Variants in EHMT1 observed in about 807,000 individuals in gnomAD.
EHMT1 encodes the protein euchromatic histone lysine methyltransferase 1.
Under a neutral mutation model 147.2 loss-of-function variants are expected in EHMT1, and 15 were observed. The observed-to-expected ratio is 0.10, with a 90% CI of 0.07 to 0.16. The LOEUF (loss-of-function observed/expected upper bound fraction) is 0.16, where lower values mean the gene tolerates loss of function less well. Among genes scored for constraint, EHMT1 ranks in the 10% least tolerant of loss-of-function variants. The pLI is 1.00. For missense variants in EHMT1, 1,587 were observed against 1,772.4 expected (o/e 0.90, Z 1.88); for synonymous variants, 795 against 709.6 (o/e 1.12, Z -1.91).
Position 137,620,937 on chromosome 9 carries a change from C to G in EHMT1, c.21+1888C>G, listed in dbSNP as rs369611624. Among the ~76,000 whole-genome samples, 18 of 152,286 alleles carry G rather than the reference C, an allele frequency of 1.2e-4. No homozygotes were observed. The East Asian group carries it at 3.5e-3, about 29-fold the overall frequency. ...ACCCTGCCATAGTGCCAGTGCCTTG[C>G]ATGAATTCAATAATTTGAGCCTAGC... On this transcript the variant is annotated intron_variant, in intron 1 of 26. Coordinates refer to ENST00000460843, the MANE Select transcript of EHMT1 (RefSeq NM_024757.5).
At position 137,743,985 on chromosome 9, in the gene EHMT1, G is replaced by A. The variant is rs768149187; in HGVS notation, c.1065G>A (p.Glu355=). 4.3e-6 allele frequency: 7 copies of A among 1,613,926 alleles called. No homozygotes were observed. Among genetic ancestry groups the A allele is most frequent in the Non-Finnish European group, 5.1e-6 (6 of 1,179,994 alleles). Residue 355 remains glutamate (E), a synonymous_variant, in exon 6 of 27, where the codon GAG becomes GAA. Transcript: ENST00000460843. The part of the protein sequence containing the change: ...EMDSDEDDSE[E]LEEDDGHGAE... ...ACTCGGATGAGGACGACTCAGAGGA[G>A]CTCGAGGAGGACGACGGCCATGGTG...
At chr9:137,726,520 G>A (rs1004230006) in intron 3 of EHMT1, among the ~76,000 whole-genome samples, 5 of 150,636 alleles carry the variant, frequency 3.3e-5, no homozygotes, top group Admixed American at 2.0e-4. Context: ...CCGTTCGCCC[G>A]ACAGCCGACC....
chr9:137,792,721 G>A (rs755381624), intron 16 of EHMT1, among the ~76,000 whole-genome samples: 3 of 152,104 alleles, frequency 2.0e-5, no homozygotes, highest in Non-Finnish European at 4.4e-5. Context: ...AAAGGAAAAC[G>A]TATGTGGATG....
chr9:137,800,838 C>T (rs759314822), intron 17 of EHMT1, 42 bp from the exon 18 acceptor site: 22 of 1,586,050 alleles, frequency 1.4e-5, no homozygotes, highest in African/African-American at 1.3e-4. Context: ...TGGTGGTTGC[C>T]GGTCTCTGGA....
chr9:137,672,079 C>T (rs1005836108), intron 1 of EHMT1, among the ~76,000 whole-genome samples: 4 of 152,238 alleles, frequency 2.6e-5, no homozygotes, highest in Admixed American at 2.0e-4. Context: ...ATTTACCTTT[C>T]GCTCTCATTC....
At chr9:137,658,435 G>C (rs1160293810) in intron 1 of EHMT1, among the ~76,000 whole-genome samples, 1 of 152,138 alleles carries the variant, frequency 6.6e-6, no homozygotes, top group Non-Finnish European at 1.5e-5. Context: ...AGAAGCGTGA[G>C]CCACCGCACC....
intron 2 of EHMT1, among the ~76,000 whole-genome samples, chr9:137,713,251 C>CACA (rs1414459305): frequency 6.7e-6 from 1 of 149,672 alleles, no homozygotes; most frequent in Admixed American, 6.7e-5. Context: ...TGTGAGCCAC[C>CACA]ACACCATGCT....
chr9:137,738,288 C>T (rs1480516078), intron 4 of EHMT1, among the ~76,000 whole-genome samples: 1 of 151,976 alleles, frequency 6.6e-6, no homozygotes, highest in Non-Finnish European at 1.5e-5. Flanking sequence ...CACAAATGGC[C>T]AGTAAGCCCA....
chr9:137,793,396 C>T (rs1473071360), intron 16 of EHMT1, among the ~76,000 whole-genome samples: 1 of 152,236 alleles, frequency 6.6e-6, no homozygotes, highest in African/African-American at 2.4e-5. Flanking sequence ...AGGTGAGACG[C>T]ACCTCAGAGG....
chr9:137,629,864 A>G (rs947970169), intron 1 of EHMT1, among the ~76,000 whole-genome samples: 1 of 152,198 alleles, frequency 6.6e-6, no homozygotes, highest in East Asian at 1.9e-4. Context: ...AATTTGGCCT[A>G]TGGCAGGTAT....
rs1947137814 is a variant in EHMT1, at chr9:137,731,820, A to G, written c.823+3291A>G. Among the ~76,000 whole-genome samples the G allele has an allele frequency of 6.6e-6, 1 of 152,180 alleles. No homozygotes were observed. Among genetic ancestry groups the G allele is most frequent in the Non-Finnish European group, 1.5e-5 (1 of 68,012 alleles). Reference sequence around the variant, plus strand: ...TGACGAGCAAGCATGGTGTGGGGCCACTGTGCACAGCCAGGCCTGCTTGGC... The same window carrying G: ...TGACGAGCAAGCATGGTGTGGGGCCGCTGTGCACAGCCAGGCCTGCTTGGC... On this transcript the variant is annotated intron_variant, in intron 4 of 26. Transcript: ENST00000460843. This position sits in a 1 kb window ranked among gnomAD's most constrained non-coding sequence, Gnocchi z 4.3.
chr9:137,660,059 C>T (rs577222999), intron 1 of EHMT1, among the ~76,000 whole-genome samples: 13 of 151,208 alleles, frequency 8.6e-5, no homozygotes, highest in Admixed American at 2.0e-4. Flanking sequence ...CTTCATGTGC[C>T]GGTGTGGTGG....
chr9:137,823,498 G>A (rs750819277), intron 25 of EHMT1: 24 of 317,826 alleles, frequency 7.6e-5, no homozygotes, highest in South Asian at 4.2e-4. Flanking sequence ...TGCAAGCTCC[G>A]CCTCCCGGAT....
At chr9:137,648,713 G>A (rs1239949079) in intron 1 of EHMT1, among the ~76,000 whole-genome samples, 1 of 152,152 alleles carries the variant, frequency 6.6e-6, no homozygotes, top group South Asian at 2.1e-4. Context: ...GTTCTCCCAA[G>A]TTAATGCAAA....
At chr9:137,642,136 G>A (rs780350148) in intron 1 of EHMT1, among the ~76,000 whole-genome samples, 1 of 152,056 alleles carries the variant, frequency 6.6e-6, no homozygotes, top group Admixed American at 6.6e-5. Context: ...CACTGCGCCC[G>A]GCCCCAAATT....
chr9:137,710,681 A>C (rs1944623858), intron 1 of EHMT1, among the ~76,000 whole-genome samples: 1 of 152,236 alleles, frequency 6.6e-6, no homozygotes, highest in South Asian at 2.1e-4. Context: ...AACAGAGCCC[A>C]AAGATTTCAG....
At chr9:137,692,712 T>A (rs960488288) in intron 1 of EHMT1, among the ~76,000 whole-genome samples, 1 of 152,132 alleles carries the variant, frequency 6.6e-6, no homozygotes, top group African/African-American at 2.4e-5. Flanking sequence ...AGAAGCACGT[T>A]GCATGGTGTG....
At chr9:137,831,897 C>G (rs1956213694) in intron 25 of EHMT1, among the ~76,000 whole-genome samples, 2 of 151,946 alleles carry the variant, frequency 1.3e-5, no homozygotes, top group Admixed American at 1.3e-4. Flanking sequence ...TGTGCTTTCG[C>G]CTCAGTCCTA....
chr9:137,800,177 T>G (rs745783426), intron 17 of EHMT1, among the ~76,000 whole-genome samples: 1 of 152,192 alleles, frequency 6.6e-6, no homozygotes, highest in Non-Finnish European at 1.5e-5. Context: ...TCTTCTGCCT[T>G]CAGAGTAGGA....
Sources: allele counts gnomAD v4.1 joint callset (sites outside exome capture counted in the v4.1 genomes callset), GRCh38; gene constraint gnomAD v4.1.1; non-coding constraint Gnocchi (gnomAD v3.1); transcripts MANE v1.5; gene names NCBI Gene and HGNC (gene_info 2026-07-23, HGNC 2026-07-21).